Variants in SPATA16 observed in about 807,000 individuals in gnomAD.
The protein encoded by SPATA16 is spermatogenesis associated 16, also known as spermatogenesis-associated protein 16.
A neutral mutation model predicts 63.3 loss-of-function variants in SPATA16; 36 were observed. The ratio of observed to expected loss-of-function variants is 0.57; its 90% CI spans 0.44 to 0.75. SPATA16 has a LOEUF of 0.75. Ranked by LOEUF, SPATA16 falls within the 30% of genes least tolerant of loss-of-function variation. SPATA16 has a pLI of 0.00. For synonymous variants in SPATA16, 203 were observed against 216.7 expected (o/e 0.94, Z 0.56); for missense variants, 646 against 679.3 (o/e 0.95, Z 0.54).
At chr3:173,056,228 T>C (rs1736218842) in intron 2 of SPATA16, among the ~76,000 whole-genome samples, 1 of 152,242 alleles carries the variant, frequency 6.6e-6, no homozygotes, top group South Asian at 2.1e-4. Flanking sequence ...TTGTGTTTAG[T>C]GATATTCATA....
At chr3:173,015,861 GGTGTGTGTGTGTGT>G (rs57049586) in intron 4 of SPATA16, among the ~76,000 whole-genome samples, 3 of 148,750 alleles carry the variant, frequency 2.0e-5, no homozygotes, top group African/African-American at 4.9e-5. Context: ...TCCCAAATGG[GGTGTGTGTGTGTGT>G]GTGTGTGTGT....
At chr3:172,915,865 A>G (rs1452119892) in intron 9 of SPATA16, among the ~76,000 whole-genome samples, 2 of 152,182 alleles carry the variant, frequency 1.3e-5, no homozygotes, top group Non-Finnish European at 2.9e-5. Flanking sequence ...GGCACTGCCA[A>G]TATCTATTTT....
intron 5 of SPATA16, among the ~76,000 whole-genome samples, chr3:172,957,790 C>G (rs1051332828): frequency 6.6e-6 from 1 of 152,200 alleles, no homozygotes; most frequent in African/African-American, 2.4e-5. Context: ...TTATTACCCT[C>G]ACAGTATTTT....
At chr3:172,960,132 T>G (rs1423993976) in intron 5 of SPATA16, among the ~76,000 whole-genome samples, 5 of 152,182 alleles carry the variant, frequency 3.3e-5, no homozygotes, top group Non-Finnish European at 7.4e-5. Context: ...AAGATTTTCC[T>G]TGATTTTGCG....
At chr3:173,090,924 G>A (rs1737205774) in intron 2 of SPATA16, among the ~76,000 whole-genome samples, 1 of 152,096 alleles carries the variant, frequency 6.6e-6, no homozygotes, top group Admixed American at 6.5e-5. Context: ...GTTTGCTTCT[G>A]GGCACCTCTC....
chr3:172,939,145 C>T (rs1733085020), intron 6 of SPATA16, among the ~76,000 whole-genome samples: 1 of 152,162 alleles, frequency 6.6e-6, no homozygotes, highest in South Asian at 2.1e-4. Context: ...TTGCTTATAA[C>T]TTCTGCCTTC....
intron 3 of SPATA16, among the ~76,000 whole-genome samples, chr3:173,032,316 G>T (rs1434865544): frequency 1.3e-5 from 2 of 151,992 alleles, no homozygotes; most frequent in Non-Finnish European, 2.9e-5. Flanking sequence ...TTACTTAAAA[G>T]AATTTGCTAT....
chr3:172,970,191 T>G (rs1011823963), intron 5 of SPATA16, among the ~76,000 whole-genome samples: 1 of 152,204 alleles, frequency 6.6e-6, no homozygotes, highest in Non-Finnish European at 1.5e-5. Context: ...CCCAACCTTT[T>G]TCTCCTGCTC....
At chr3:172,919,478 A>G (rs1363720694) in intron 8 of SPATA16, among the ~76,000 whole-genome samples, 1 of 152,208 alleles carries the variant, frequency 6.6e-6, no homozygotes, top group Non-Finnish European at 1.5e-5. Context: ...ATCTACAAAG[A>G]TAAGGAAACC....
intron 3 of SPATA16, among the ~76,000 whole-genome samples, chr3:173,024,521 G>T (rs1308034064): frequency 1.3e-5 from 2 of 150,620 alleles, no homozygotes; most frequent in East Asian, 4.0e-4. Flanking sequence ...GATGAATTAG[G>T]TTAATTAATG....
At chr3:173,036,355 C>T (rs760447164) in intron 3 of SPATA16, among the ~76,000 whole-genome samples, 2 of 152,016 alleles carry the variant, frequency 1.3e-5, no homozygotes, top group Non-Finnish European at 2.9e-5. Flanking sequence ...GCTTGACAGT[C>T]ACCTAATGCT....
At chr3:172,918,085 G>C (rs1732535717) in intron 8 of SPATA16, among the ~76,000 whole-genome samples, 1 of 152,208 alleles carries the variant, frequency 6.6e-6, no homozygotes, top group African/African-American at 2.4e-5. Flanking sequence ...GCAAATGGTA[G>C]ATATGGGGTT....
chr3:172,893,841 T>C (rs1577079933), intron 10 of SPATA16, among the ~76,000 whole-genome samples: 1 of 152,212 alleles, frequency 6.6e-6, no homozygotes, highest in East Asian at 1.9e-4. Context: ...AATTTAGGCT[T>C]CCTATTAAAT....
chr3:173,098,996 T>G (rs1206669573), intron 2 of SPATA16, among the ~76,000 whole-genome samples: 2 of 152,252 alleles, frequency 1.3e-5, no homozygotes, highest in African/African-American at 4.8e-5. Context: ...AACCTTCAAC[T>G]ATCAAGGATC....
intron 3 of SPATA16, among the ~76,000 whole-genome samples, chr3:173,022,966 C>G (rs1031658792): frequency 6.6e-6 from 1 of 152,006 alleles, no homozygotes; most frequent in Non-Finnish European, 1.5e-5. Flanking sequence ...TGATTCACCC[C>G]TTTCTAAAAC....
intron 10 of SPATA16, among the ~76,000 whole-genome samples, chr3:172,910,092 CTTT>C (rs35827342): frequency 1.0e-4 from 13 of 127,128 alleles, no homozygotes; most frequent in African/African-American, 1.8e-4. Context: ...ACAGCAAATG[CTTT>C]TTTTTTTTTT....
intron 2 of SPATA16, among the ~76,000 whole-genome samples, chr3:173,089,820 G>A (rs143760663): frequency 6.6e-5 from 10 of 152,264 alleles, no homozygotes; most frequent in Non-Finnish European, 1.5e-4. Flanking sequence ...ACTCCTCCAG[G>A]ACTCAGCACA....
At chr3:172,977,162 A>G in intron 4 of SPATA16, 110 bp from the exon 5 acceptor site, 1 of 904,110 alleles carries the variant, frequency 1.1e-6, no homozygotes, top group Non-Finnish European at 1.7e-6. Context: ...TTTAATGTAT[A>G]AATTTGTCTA....
chr3:172,986,483 G>A (rs1734462149), intron 4 of SPATA16, among the ~76,000 whole-genome samples: 1 of 152,144 alleles, frequency 6.6e-6, no homozygotes, highest in Non-Finnish European at 1.5e-5. Context: ...GCAGCTGAGA[G>A]GGTTGGTGGT....
Sources: gnomAD v4.1 joint callset for allele counts (sites outside exome capture counted in the v4.1 genomes callset) on GRCh38, gnomAD v4.1.1 for gene constraint, MANE v1.5 for transcripts, NCBI Gene and HGNC (gene_info 2026-07-23, HGNC 2026-07-21) for gene names.